ADA2: variants seen among roughly 807,000 people sequenced by gnomAD.
The protein encoded by ADA2 is adenosine deaminase CECR1.
ADA2 carries 29 observed loss-of-function variants against 44.2 expected under a neutral mutation model. The observed-to-expected ratio is 0.66, with a 90% CI of 0.49 to 0.89. ADA2 has a LOEUF of 0.89. Among genes scored for constraint, ADA2 ranks in the 40% least tolerant of loss-of-function variants. The probability of loss-of-function intolerance (pLI) is 0.00; values close to 1 mark genes in which losing one functional copy is unlikely to be tolerated. For synonymous variants in ADA2, 215 were observed against 234.9 expected (o/e 0.92, Z 0.77); for missense variants, 637 against 644.8 (o/e 0.99, Z 0.13).
intron 4 of ADA2, chr22:17,192,841 G>A (rs1351086762): frequency 2.2e-5 from 8 of 367,088 alleles, no homozygotes; most frequent in Admixed American, 7.7e-5. Context: ...AAAAAAAAAA[G>A]GGGGGGCCCT....
chr22:17,219,665 G>GTTTTTTTTTTTTTTTTTTTTTTTTTT (rs71200249), upstream of ADA2: 2 of 72,000 alleles, frequency 2.8e-5, 1 homozygote, highest in Admixed American at 4.3e-4. Context: ...TGTGGGGTTT[G>GTTTTTTTTTTTTTTTTTTTTTTTTTT]TTTTTTTTTT....
chr22:17,221,004 G>A (rs2123743890), upstream of ADA2, among the ~76,000 whole-genome samples: 1 of 152,112 alleles, frequency 6.6e-6, no homozygotes, highest in Non-Finnish European at 1.5e-5. Context: ...AAAATTAGGT[G>A]TGGTGGTGCG....
At chr22:17,194,933 C>T (rs2062171369) in intron 4 of ADA2, among the ~76,000 whole-genome samples, 1 of 151,756 alleles carries the variant, frequency 6.6e-6, no homozygotes, top group African/African-American at 2.4e-5. Context: ...AAGGTGTCGC[C>T]CTCCCCTCTC....
chr22:17,189,326 A>T (rs2123641101), intron 6 of ADA2, among the ~76,000 whole-genome samples: 1 of 152,160 alleles, frequency 6.6e-6, no homozygotes, highest in South Asian at 2.1e-4. Context: ...TCTTTATGAG[A>T]TTGCCGAGCT....
At chr22:17,199,669 A>T in intron 4 of ADA2, 1 of 1,606,186 alleles carries the variant, frequency 6.2e-7, no homozygotes, top group Non-Finnish European at 8.5e-7. Flanking sequence ...CAGAGAGCCC[A>T]GCGCGGTGAG....
At chr22:17,199,842 G>T in intron 4 of ADA2, 1 of 1,045,994 alleles carries the variant, frequency 9.6e-7, no homozygotes, top group Non-Finnish European at 1.3e-6. Context: ...ACTTTGGGAG[G>T]CCGACGTGGG....
rs780192478 is a variant in ADA2 at position 17,209,580 on chromosome 22, G to A, written c.98C>T (p.Thr33Ile). 13 of 1,614,056 alleles carry A rather than the reference G, an allele frequency of 8.1e-6. No individual in the cohort carries two copies. The highest frequency in any genetic ancestry group is 1.1e-5 in the Non-Finnish European group (13 of 1,180,024). ...FFGSALSIDE[T>I]RAHLLLKEKM... is the part of the protein sequence containing the mutation. ...TTCTTTCAACAACAGATGCGCCCGT[G>A]TTTCATCTATGGATAGAGCTGAGCC... The change falls in exon 2 of 10, where the codon ACA (threonine) becomes ATA (isoleucine). Residue 33 changes from threonine to isoleucine, a missense_variant. Coordinates refer to ENST00000399837, the MANE Select transcript of ADA2 (RefSeq NM_001282225.2).
Position 17,188,451 on chromosome 22 carries a change from CAGGACAGAGA to C in ADA2, c.973-14_973-5del. On this transcript the variant is annotated splice_region_variant and splice_polypyrimidine_tract_variant and intron_variant, in intron 6 of 9. Coordinates refer to ENST00000399837, the MANE Select transcript of ADA2 (RefSeq NM_001282225.2). Reference sequence around the variant, plus strand: ...GGCCAGTGTCCTCATGCCCCACCTGCAGGACAGAGAGGGACAGGGAGGTGTCTGCAGGGCG... The same window carrying C: ...GGCCAGTGTCCTCATGCCCCACCTGCGGGACAGGGAGGTGTCTGCAGGGCG... The C allele has an allele frequency of 6.2e-7, 1 of 1,602,740 alleles. No homozygotes were observed. The highest frequency in any genetic ancestry group is 2.2e-5 in the East Asian group (1 of 44,804).
intron 1 of ADA2, chr22:17,214,210 G>A: frequency 1.9e-6 from 1 of 535,000 alleles, no homozygotes; most frequent in African/African-American, 2.0e-5. Flanking sequence ...AGGCCATGCT[G>A]GGGTTGTGTG....
Position 17,181,430 on chromosome 22 carries a change from G to T in ADA2, c.*53C>A. On this transcript the variant is annotated 3_prime_UTR_variant, in exon 10 of 10. Coordinates refer to ENST00000399837, the MANE Select transcript of ADA2 (RefSeq NM_001282225.2). ...GAGCTGATTCAAGAACGAGTGAGAG[G>T]AAGTGACAGCGTGTGCAAGAAGACA... 1 of 1,158,986 alleles carries T rather than the reference G, an allele frequency of 8.6e-7. No individual in the cohort carries two copies. Among genetic ancestry groups the T allele is most frequent in the Non-Finnish European group, 1.3e-6 (1 of 764,562 alleles). The allele number at this position is 1,158,986 out of a possible 1,614,324, so 71.8% of individuals were successfully genotyped here.
intron 1 of ADA2, among the ~76,000 whole-genome samples, chr22:17,216,789 C>CACACAT (rs71200248): frequency 4.4e-3 from 324 of 73,532 alleles, no homozygotes; most frequent in South Asian, 0.021. Flanking sequence ...CACACACACA[C>CACACAT]ATATATATAG....
At position 17,188,600 on chromosome 22, in the gene ADA2, C is replaced by T. The variant is rs536977093; in HGVS notation, c.973-153G>A. On this transcript the variant is annotated intron_variant, in intron 6 of 9. Coordinates refer to ENST00000399837, the MANE Select transcript of ADA2 (RefSeq NM_001282225.2). ...CCTTTTAAGAATGACCAGGAGCAGG[C>T]CAGGCGTGGTGGCTCACACCTGTAA... 123 of 559,078 alleles carry T rather than the reference C, an allele frequency of 2.2e-4. No homozygotes were observed. In the South Asian group the frequency reaches 2.6e-3, roughly 12 times the overall value. The allele number at this position is 559,078 out of a possible 1,614,324, so 34.6% of individuals were successfully genotyped here.
At chr22:17,199,448 CA>C in intron 4 of ADA2, 2 of 1,129,576 alleles carry the variant, frequency 1.8e-6, no homozygotes, top group Non-Finnish European at 2.7e-6. Flanking sequence ...TCTTCCCCTC[CA>C]CCCACGAAGA....
chr22:17,187,852 T>C (rs1006978014), intron 7 of ADA2, among the ~76,000 whole-genome samples: 7 of 151,876 alleles, frequency 4.6e-5, no homozygotes, highest in Admixed American at 6.6e-5. Context: ...CCCTTGTAAT[T>C]CCAGCACTTT....
intron 1 of ADA2, among the ~76,000 whole-genome samples, chr22:17,219,047 T>C (rs1201257780): frequency 6.6e-6 from 1 of 152,000 alleles, no homozygotes; most frequent in Admixed American, 6.6e-5. Flanking sequence ...ATCACAGCTA[T>C]TAGGGAGGCT....
intron 4 of ADA2, chr22:17,199,446 T>TCCCCACCACTATCCTCTTCCCCA: frequency 1.1e-6 from 1 of 917,616 alleles, no homozygotes; most frequent in Non-Finnish European, 1.7e-6. Flanking sequence ...CCTCTTCCCC[T>TCCCCACCACTATCCTCTTCCCCA]CCACCCACGA....
At chr22:17,207,325 G>T in intron 2 of ADA2, 35 bp from the exon 3 acceptor site, 1 of 1,494,370 alleles carries the variant, frequency 6.7e-7, no homozygotes, top group Non-Finnish European at 9.3e-7. Flanking sequence ...AGACAAAGGG[G>T]TGAAGTCCCA....
chr22:17,201,317 C>A (rs557655810), intron 4 of ADA2, among the ~76,000 whole-genome samples: 1 of 152,244 alleles, frequency 6.6e-6, no homozygotes, highest in South Asian at 2.1e-4. Flanking sequence ...CACATCTATC[C>A]CTTATGAATT....
At chr22:17,205,540 C>A (rs1326670098) in intron 3 of ADA2, among the ~76,000 whole-genome samples, 2 of 152,220 alleles carry the variant, frequency 1.3e-5, no homozygotes, top group Admixed American at 6.5e-5. Flanking sequence ...GTATCCCCAA[C>A]TGGCCATTTA....
Sources: allele counts gnomAD v4.1 joint callset (sites outside exome capture counted in the v4.1 genomes callset), GRCh38; gene constraint gnomAD v4.1.1; transcripts MANE v1.5; gene names NCBI Gene and HGNC (gene_info 2026-07-23, HGNC 2026-07-21).